TMPRSS3: variants seen among roughly 807,000 people sequenced by gnomAD.
TMPRSS3 encodes the protein transmembrane serine protease 3.
Under a neutral mutation model 59.6 loss-of-function variants are expected in TMPRSS3, and 55 were observed. The observed-to-expected ratio is 0.92, with a 90% CI of 0.74 to 1.16. The LOEUF is 1.16. TMPRSS3 is among the 50% of genes most tolerant of loss of function. The pLI, the probability that TMPRSS3 is intolerant of heterozygous loss-of-function variation, is 0.00. For missense variants in TMPRSS3, 596 were observed against 579.4 expected, an observed-to-expected ratio of 1.03 and a Z score of -0.29; for synonymous variants, 257 against 237.7, an observed-to-expected ratio of 1.08 and a Z score of -0.75.
intron 12 of TMPRSS3, among the ~76,000 whole-genome samples, chr21:42,374,132 C>G (rs2052380889): frequency 6.6e-6 from 1 of 152,206 alleles, no homozygotes; most frequent in Non-Finnish European, 1.5e-5. Context: ...GGAGGTCTCC[C>G]ATTCAGTTGT....
In TMPRSS3 at chr21:42,372,690, C is replaced by A; in HGVS notation, c.*72G>T. The A allele has an allele frequency of 5.8e-6, 9 of 1,546,184 alleles. No individual in the cohort carries two copies. Among genetic ancestry groups the A allele is most frequent in the Non-Finnish European group, 8.0e-6 (9 of 1,118,338 alleles). ...GTCTGCTCGTGTGCAGGTTCCTACA[C>A]GGGAGTCCAGGGGAGGATCGGGCTG... On this transcript the variant is annotated 3_prime_UTR_variant, in exon 13 of 13. Coordinates refer to ENST00000644384, the MANE Select transcript of TMPRSS3 (RefSeq NM_001256317.3).
At chr21:42,386,327 T>C (rs529936595) in intron 5 of TMPRSS3, among the ~76,000 whole-genome samples, 1 of 152,128 alleles carries the variant, frequency 6.6e-6, no homozygotes, top group Admixed American at 6.5e-5. Flanking sequence ...GTATGTAGAA[T>C]ACAAAGTTCA....
intron 3 of TMPRSS3, 27 bp downstream of exon 3, chr21:42,389,900 T>C (rs760970679): frequency 1.3e-6 from 2 of 1,532,888 alleles, no homozygotes; most frequent in Non-Finnish European, 9.0e-7. Context: ...GTATTTGAGA[T>C]CCTACTAAAT....
At position 42,388,699 on chromosome 21, in the gene TMPRSS3, G is replaced by T. The variant is rs2052678008; in HGVS notation, c.323-173C>A. Among the ~76,000 whole-genome samples the T allele has an allele frequency of 6.6e-6, 1 of 152,100 alleles. No homozygotes were observed. The highest frequency in any genetic ancestry group is 2.4e-5 in the African/African-American group (1 of 41,424). On this transcript the variant is annotated intron_variant, in intron 4 of 12. Transcript: ENST00000644384. This position sits in a 1 kb window ranked among gnomAD's most constrained non-coding sequence, Gnocchi z 5.1. ...TGACTCTGGATCCCTGAGACTTCTC[G>T]CTGGTCTCATCTTATTGCTTATGTG... is the stretch of plus-strand genomic sequence containing the variant.
In TMPRSS3 at chr21:42,395,964, G is replaced by A. The variant is rs1353233681; in HGVS notation, c.-74C>T. On this transcript the variant is annotated 5_prime_UTR_variant, in exon 1 of 13. Transcript: ENST00000644384. ...CACATAATTCCCGAGTCCCAAAAATGTAGATGGCACCACGGAAGAGATAGT... is the reference window on the plus strand; with the variant it reads ...CACATAATTCCCGAGTCCCAAAAATATAGATGGCACCACGGAAGAGATAGT... 1.9e-6 allele frequency: 1 copy of A among 518,898 alleles called. No homozygotes were observed. The highest frequency in any genetic ancestry group is 3.8e-6 in the Non-Finnish European group (1 of 259,884). 32.1% of individuals were successfully genotyped at this position (518,898 alleles called of 1,614,324 possible).
At position 42,376,512 on chromosome 21, in the gene TMPRSS3, C is replaced by T. The variant is rs111817056; in HGVS notation, c.1191+29G>A. The T allele has an allele frequency of 1.8e-4, 293 of 1,611,686 alleles. 2 individuals carry two copies. Among genetic ancestry groups the T allele is most frequent in the Middle Eastern group, 1.6e-3 (9 of 5,538 alleles). On this transcript the variant is annotated intron_variant, in intron 11 of 12. Transcript: ENST00000644384. Reference sequence around the variant, plus strand: ...TCCCAAGGGCTGGGTCACCCTGCCACGGCCTCGCCCACCGCTGCGGCCCCG... The same window carrying T: ...TCCCAAGGGCTGGGTCACCCTGCCATGGCCTCGCCCACCGCTGCGGCCCCG...
In TMPRSS3 at chr21:42,372,708, T is replaced by C. The variant is rs1398223050; in HGVS notation, c.*54A>G. On this transcript the variant is annotated 3_prime_UTR_variant, in exon 13 of 13. Coordinates refer to ENST00000644384, the MANE Select transcript of TMPRSS3 (RefSeq NM_001256317.3). ...TCCTACACGGGAGTCCAGGGGAGGA[T>C]CGGGCTGTCTTCATCACCTCAGGAA... The C allele has an allele frequency of 3.7e-6, 6 of 1,604,220 alleles. No individual in the cohort carries two copies. The highest frequency in any genetic ancestry group is 5.1e-6 in the Non-Finnish European group (6 of 1,171,030).
chr21:42,389,179 G>A, intron 3 of TMPRSS3, 134 bp from the exon 4 acceptor site: 1 of 1,523,004 alleles, frequency 6.6e-7, no homozygotes. Flanking sequence ...GTCCCTGTCA[G>A]CAGCCTGTTT....
In TMPRSS3 at chr21:42,375,804, C is replaced by G. The variant is rs1015711748; in HGVS notation, c.1256G>C (p.Ser419Thr). The change falls in exon 12 of 13, where the codon AGC becomes ACC. Residue 419 changes from serine (S) to threonine (T), a missense_variant. Ser to Thr is a moderately conservative substitution (Grantham distance 58). Coordinates refer to ENST00000644384, the MANE Select transcript of TMPRSS3 (RefSeq NM_001256317.3). ...CACCTCTGCGCAGCCGATGCCAAAG[C>G]TGGTCGCTCCCACTAACTTCCACAG... is the stretch of plus-strand genomic sequence containing the variant. ...RRLWKLVGAT[S>T]FGIGCAEVNK... 2 of 1,613,794 alleles carry G rather than the reference C, an allele frequency of 1.2e-6. No individual in the cohort carries two copies. Among genetic ancestry groups the G allele is most frequent in the African/African-American group, 2.7e-5 (2 of 74,904 alleles).
intron 12 of TMPRSS3, among the ~76,000 whole-genome samples, chr21:42,374,520 A>T (rs917074382): frequency 6.6e-6 from 1 of 152,216 alleles, no homozygotes; most frequent in Non-Finnish European, 1.5e-5. Flanking sequence ...TGAGCTTTTT[A>T]AAAAGGTCTT....
rs112264001 is a variant in TMPRSS3 at position 42,381,707 on chromosome 21, G to T, written c.952+358C>A. 8.5e-5 allele frequency among the ~76,000 whole-genome samples: 13 copies of T among 152,308 alleles called. 1 individual carries two copies. The highest frequency in any genetic ancestry group is 3.1e-4 in the African/African-American group (13 of 41,564). ...CTCTAAAATTATTGTTGGAACTACA[G>T]CCCACCAATCTACCTGGCAGAGTCA... On this transcript the variant is annotated intron_variant, in intron 9 of 12. Transcript: ENST00000644384.
chr21:42,392,200 C>T (rs1451562590), intron 2 of TMPRSS3, among the ~76,000 whole-genome samples: 1 of 152,108 alleles, frequency 6.6e-6, no homozygotes, highest in East Asian at 1.9e-4. Context: ...CCTGCCTGAC[C>T]GTGGAGACTC....
intron 12 of TMPRSS3, 42 bp downstream of exon 12, chr21:42,375,674 A>C (rs2052412033): frequency 6.2e-7 from 1 of 1,613,322 alleles, no homozygotes; most frequent in Non-Finnish European, 8.5e-7. Flanking sequence ...CTTAGGGTCA[A>C]AAGCCAGGGA....
rs779975070 is a variant in TMPRSS3 at position 42,394,832 on chromosome 21, T to G, written c.94+492A>C. 3.3e-4 allele frequency among the ~76,000 whole-genome samples: 51 copies of G among 152,336 alleles called. No individual in the cohort carries two copies. In the Middle Eastern group the frequency reaches 0.01, roughly 30 times the overall value. ...ATAGGTTGCTAGAGAGTCCACTGTT[T>G]TATCAGGCATTTGTGACTTATTTAC... On this transcript the variant is annotated intron_variant, in intron 2 of 12. Coordinates refer to ENST00000644384, the MANE Select transcript of TMPRSS3 (RefSeq NM_001256317.3).
rs1601523549 is a variant in TMPRSS3, at chr21:42,383,103, C to T, written c.712G>A (p.Gly238Ser). ...ACAGAGCCCCCGCACAGGTGGTAGC[C>T]CTGGAACTGAAGGCTGGCCTGCCAG... The part of the protein sequence containing the change: ...WPWQASLQFQ[G>S]YHLCGGSVIT... Residue 238 changes from glycine (G) to serine (S), a missense_variant, in exon 8 of 13, where the codon GGC becomes AGC. Physicochemically the swap from Gly to Ser is moderately conservative, Grantham distance 56 (BLOSUM62 0). Coordinates refer to ENST00000644384, the MANE Select transcript of TMPRSS3 (RefSeq NM_001256317.3). The T allele has an allele frequency of 6.2e-7, 1 of 1,614,158 alleles. No homozygotes were observed. The highest frequency in any genetic ancestry group is 8.5e-7 in the Non-Finnish European group (1 of 1,180,042).
At chr21:42,385,285 T>G in intron 6 of TMPRSS3, 124 bp downstream of exon 6, 2 of 1,389,014 alleles carry the variant, frequency 1.4e-6, no homozygotes, top group Non-Finnish European at 2.0e-6. Context: ...GGTGGCCAAC[T>G]CCCACCTTCC....
In TMPRSS3 at chr21:42,380,231, T is replaced by C. The variant is rs765579585; in HGVS notation, c.953-19A>G. 1 of 1,596,942 alleles carries C rather than the reference T, an allele frequency of 6.3e-7. No homozygotes were observed. The highest frequency in any genetic ancestry group is 8.6e-7 in the Non-Finnish European group (1 of 1,164,804). On this transcript the variant is annotated intron_variant, in intron 9 of 12. Coordinates refer to ENST00000644384, the MANE Select transcript of TMPRSS3 (RefSeq NM_001256317.3). The stretch of plus-strand genomic sequence containing the variant: ...ATCATTTCTGCTTGAAGGGAAACAA[T>C]AGTTCACAACTCAATTGAAGCAGGA...
intron 8 of TMPRSS3, chr21:42,382,594 T>C (rs1019631453): frequency 5.1e-6 from 2 of 389,452 alleles, no homozygotes; most frequent in African/African-American, 4.1e-5. Context: ...TGGAAGTCTT[T>C]TCTGTAGTTT....
intron 3 of TMPRSS3, chr21:42,389,280 T>A: frequency 6.6e-6 from 2 of 302,918 alleles, no homozygotes; most frequent in South Asian, 1.3e-4. Flanking sequence ...GGAACCACAG[T>A]GCAAGGTGAA....
Sources: allele counts gnomAD v4.1 joint callset (sites outside exome capture counted in the v4.1 genomes callset), GRCh38; gene constraint gnomAD v4.1.1; non-coding constraint Gnocchi (gnomAD v3.1); transcripts MANE v1.5; gene names NCBI Gene and HGNC (gene_info 2026-07-23, HGNC 2026-07-21).